The following CHCHD3 variants were observed in gnomAD, a reference collection of about 807,000 sequenced individuals.
CHCHD3 encodes the protein coiled-coil-helix-coiled-coil-helix domain containing 3, also known as MICOS complex subunit MIC19.
In CHCHD3, 20 loss-of-function variants were observed where a neutral mutation model predicts 38.2. The observed-to-expected ratio is 0.52, with a 90% CI of 0.37 to 0.76. The LOEUF (loss-of-function observed/expected upper bound fraction) is 0.76. Among genes scored for constraint, CHCHD3 ranks in the 30% least tolerant of loss-of-function variants. The pLI is 0.00. For synonymous variants in CHCHD3, 82 were observed against 100.0 expected, an observed-to-expected ratio of 0.82 and a Z score of 1.07; for missense variants, 245 against 279.2, an observed-to-expected ratio of 0.88 and a Z score of 0.87.
intron 7 of CHCHD3, among the ~76,000 whole-genome samples, chr7:132,790,156 G>T (rs1170798561): frequency 1.3e-5 from 2 of 152,138 alleles, no homozygotes; most frequent in Admixed American, 6.6e-5. Context: ...CTGCTTTGGA[G>T]GAAATAGAAG....
rs144164587 is a variant in CHCHD3 at position 132,840,785 on chromosome 7, G to A, written c.454-2316C>T. Among the ~76,000 whole-genome samples the A allele has an allele frequency of 4.3e-3, 662 of 152,204 alleles. 3 individuals carry two copies. Among genetic ancestry groups the A allele is most frequent in the African/African-American group, 0.015 (633 of 41,508 alleles). On this transcript the variant is annotated intron_variant, in intron 5 of 7. Transcript: ENST00000262570. ...GTATTACTTGTTTTATTAACAATGTGCACAAAAGCAACAGTTTGCCATAAT... is the reference window on the plus strand; with the variant it reads ...GTATTACTTGTTTTATTAACAATGTACACAAAAGCAACAGTTTGCCATAAT...
chr7:132,870,736 C>G (rs1176486445), intron 5 of CHCHD3, among the ~76,000 whole-genome samples: 2 of 152,104 alleles, frequency 1.3e-5, no homozygotes, highest in African/African-American at 4.8e-5. Flanking sequence ...AAATCAATTG[C>G]AGGAACCTAA....
At chr7:132,790,882 A>G (rs1394523036) in intron 7 of CHCHD3, among the ~76,000 whole-genome samples, 1 of 152,158 alleles carries the variant, frequency 6.6e-6, no homozygotes, top group African/African-American at 2.4e-5. Flanking sequence ...GAGCAAGAGA[A>G]GAGGGGAAGG....
intron 6 of CHCHD3, among the ~76,000 whole-genome samples, chr7:132,820,596 G>A (rs1289269227): frequency 6.7e-6 from 1 of 150,136 alleles, no homozygotes; most frequent in East Asian, 2.0e-4. Flanking sequence ...CACAAACATG[G>A]GAAAATGTGC....
intron 2 of CHCHD3, among the ~76,000 whole-genome samples, chr7:133,068,465 T>C (rs1167573443): frequency 6.6e-6 from 1 of 152,192 alleles, no homozygotes; most frequent in Non-Finnish European, 1.5e-5. Flanking sequence ...CCAGTCATGA[T>C]ATATGATGGA....
At chr7:132,803,318 A>C (rs1414357703) in intron 6 of CHCHD3, among the ~76,000 whole-genome samples, 1 of 152,182 alleles carries the variant, frequency 6.6e-6, no homozygotes, top group African/African-American at 2.4e-5. Context: ...TTTTATTTGA[A>C]TATCTCAATT....
chr7:133,012,735 C>T (rs1210074632), intron 3 of CHCHD3, among the ~76,000 whole-genome samples: 1 of 149,746 alleles, frequency 6.7e-6, no homozygotes, highest in Non-Finnish European at 1.5e-5. Flanking sequence ...CTGCACTCCA[C>T]CATGGGCGAC....
At position 133,043,456 on chromosome 7, in the gene CHCHD3, T is replaced by C. The variant is rs1813887835; in HGVS notation, c.170-18829A>G. Among the ~76,000 whole-genome samples, 3 of 152,092 alleles carry C rather than the reference T, an allele frequency of 2.0e-5. No homozygotes were observed. The South Asian group carries it at 6.2e-4, about 32-fold the overall frequency. On this transcript the variant is annotated intron_variant, in intron 2 of 7. Transcript: ENST00000262570. ...CAGGAGTCTGAGACCAGCCTGGCCA[T>C]CATGGCGAAACTCCGTGTCTACTAA...
At chr7:133,003,166 C>G (rs2117394313) in intron 3 of CHCHD3, among the ~76,000 whole-genome samples, 1 of 152,272 alleles carries the variant, frequency 6.6e-6, no homozygotes, top group South Asian at 2.1e-4. Flanking sequence ...AAGGCAGTGT[C>G]TCAGATAAAT....
intron 5 of CHCHD3, among the ~76,000 whole-genome samples, chr7:132,842,287 T>C (rs1807960412): frequency 6.6e-6 from 1 of 152,110 alleles, no homozygotes; most frequent in Non-Finnish European, 1.5e-5. Flanking sequence ...TACTAAACTG[T>C]TGCAGTGTAT....
At chr7:132,988,303 A>C (rs978067668) in intron 3 of CHCHD3, among the ~76,000 whole-genome samples, 3 of 151,092 alleles carry the variant, frequency 2.0e-5, no homozygotes, top group East Asian at 1.9e-4. Context: ...ACACACACCC[A>C]CACACACACA....
intron 6 of CHCHD3, among the ~76,000 whole-genome samples, chr7:132,802,450 C>T (rs1230411870): frequency 6.6e-6 from 1 of 152,160 alleles, no homozygotes; most frequent in Non-Finnish European, 1.5e-5. Flanking sequence ...CCCAGCACAA[C>T]TGAAGAGCTG....
chr7:132,935,900 T>TGGCAGAA (rs1294788071), intron 4 of CHCHD3, among the ~76,000 whole-genome samples: 1 of 152,146 alleles, frequency 6.6e-6, no homozygotes, highest in Non-Finnish European at 1.5e-5. Flanking sequence ...CATTATCCTT[T>TGGCAGAA]GGCAGAAGGC....
At chr7:132,843,918 A>G (rs1585565013) in intron 5 of CHCHD3, among the ~76,000 whole-genome samples, 1 of 152,352 alleles carries the variant, frequency 6.6e-6, no homozygotes, top group African/African-American at 2.4e-5. Flanking sequence ...AGATGTGTAC[A>G]TTCCCTCCCA....
intron 3 of CHCHD3, among the ~76,000 whole-genome samples, chr7:133,013,015 G>A (rs1301756909): frequency 2.0e-5 from 3 of 151,438 alleles, no homozygotes; most frequent in Non-Finnish European, 3.0e-5. Context: ...ATGAAACCCC[G>A]TCTCTACTAA....
chr7:133,048,803 G>A (rs1182118717), intron 2 of CHCHD3, among the ~76,000 whole-genome samples: 5 of 152,164 alleles, frequency 3.3e-5, no homozygotes, highest in Non-Finnish European at 2.9e-5. Context: ...AATCCACAAA[G>A]TGAGAGAGCA....
intron 3 of CHCHD3, among the ~76,000 whole-genome samples, chr7:133,000,092 C>T (rs7783493): frequency 0.019 from 2,846 of 152,180 alleles, 103 homozygotes; most frequent in African/African-American, 0.064. Flanking sequence ...AGAAACAAAA[C>T]TGCTTAAAAA....
At chr7:132,889,971 G>C (rs1240157094) in intron 4 of CHCHD3, among the ~76,000 whole-genome samples, 1 of 152,068 alleles carries the variant, frequency 6.6e-6, no homozygotes, top group Non-Finnish European at 1.5e-5. Context: ...ACCATATCTT[G>C]GGAAAAAATA....
chr7:133,006,666 G>A (rs1265179138), intron 3 of CHCHD3, among the ~76,000 whole-genome samples: 1 of 151,902 alleles, frequency 6.6e-6, no homozygotes, highest in Non-Finnish European at 1.5e-5. Context: ...ATTTCTTGAG[G>A]GCAATTTGAC....
Sources: allele counts gnomAD v4.1 joint callset (sites outside exome capture counted in the v4.1 genomes callset), GRCh38; gene constraint gnomAD v4.1.1; transcripts MANE v1.5; gene names NCBI Gene and HGNC (gene_info 2026-07-23, HGNC 2026-07-21).